The following OSMR variants were observed in gnomAD, a reference collection of about 807,000 sequenced individuals.
The protein encoded by OSMR is oncostatin M receptor.
Under a neutral mutation model 99.9 loss-of-function variants are expected in OSMR, and 81 were observed. The observed-to-expected ratio is 0.81, with a 90% CI of 0.68 to 0.97. OSMR has a LOEUF of 0.97. OSMR is among the 50% of genes least tolerant of loss of function. The probability of loss-of-function intolerance (pLI) is 0.00; values close to 1 mark genes in which losing one functional copy is unlikely to be tolerated. For missense variants in OSMR, 1,099 were observed against 1,153.4 expected (o/e 0.95, Z 0.68); for synonymous variants, 406 against 410.4 (o/e 0.99, Z 0.13).
Position 38,876,276 on chromosome 5 carries a change from T to C in OSMR, c.149T>C (p.Leu50Ser), listed in dbSNP as rs369638312. 1.2e-5 allele frequency: 19 copies of C among 1,613,638 alleles called. 2 individuals carry two copies. The highest frequency in any genetic ancestry group is 1.5e-5 in the Non-Finnish European group (18 of 1,179,628). ...AATTCTACGCGTCAGAGTTTGCACTTACAATGGACTGTCCACAACCTTCCT... is the reference window on the plus strand; with the variant it reads ...AATTCTACGCGTCAGAGTTTGCACTCACAATGGACTGTCCACAACCTTCCT... ...STNSTRQSLHLQWTVHNLPYH... is the reference protein window; with the variant it reads ...STNSTRQSLHSQWTVHNLPYH... The change falls in exon 3 of 18, where the codon TTA becomes TCA. Residue 50 changes from leucine (L) to serine (S), a missense_variant. By Grantham distance (145) the Leu-to-Ser change is moderately radical. Coordinates refer to ENST00000274276, the MANE Select transcript of OSMR (RefSeq NM_003999.3).
chr5:38,920,547 C>A (rs1746181306), intron 11 of OSMR, among the ~76,000 whole-genome samples: 1 of 152,156 alleles, frequency 6.6e-6, no homozygotes, highest in South Asian at 2.1e-4. Flanking sequence ...TGGATGGGAT[C>A]TATAAAGCCC....
intron 15 of OSMR, among the ~76,000 whole-genome samples, chr5:38,926,849 C>G (rs1374116014): frequency 6.6e-6 from 1 of 152,166 alleles, no homozygotes; most frequent in Non-Finnish European, 1.5e-5. Context: ...TAATCTGAGA[C>G]AAGGCAAATC....
Position 38,921,665 on chromosome 5 carries a change from T to C in OSMR, c.1636T>C (p.Ser546Pro). Residue 546 changes from serine to proline, a missense_variant, in exon 12 of 18, where the codon TCT becomes CCT. By Grantham distance (74) the Ser-to-Pro change is moderately conservative. Coordinates refer to ENST00000274276, the MANE Select transcript of OSMR (RefSeq NM_003999.3). ...AGGCACAGAGGGTGGATTCTCTCTGTCTTGGAAACCCCAACCTGGAGATGT... is the reference window on the plus strand; with the variant it reads ...AGGCACAGAGGGTGGATTCTCTCTGCCTTGGAAACCCCAACCTGGAGATGT... Reference protein sequence around the residue: ...IAGTEGGFSLSWKPQPGDVIG... With the variant: ...IAGTEGGFSLPWKPQPGDVIG... 3 of 1,614,182 alleles carry C rather than the reference T, an allele frequency of 1.9e-6. No homozygotes were observed. Among genetic ancestry groups the C allele is most frequent in the Non-Finnish European group, 2.5e-6 (3 of 1,180,028 alleles).
intron 7 of OSMR, among the ~76,000 whole-genome samples, chr5:38,900,257 A>C (rs1287457108): frequency 2.6e-5 from 4 of 152,144 alleles, no homozygotes; most frequent in Non-Finnish European, 4.4e-5. Context: ...CTAAGTGCAC[A>C]GAGGTTCTGT....
intron 1 of OSMR, among the ~76,000 whole-genome samples, chr5:38,863,708 TTTG>T (rs1330678747): frequency 5.3e-5 from 8 of 152,152 alleles, no homozygotes; most frequent in Non-Finnish European, 1.0e-4. Context: ...TCAGTGTTTC[TTTG>T]TTAATTTTCT....
chr5:38,846,869 C>A (rs1739876663), intron 1 of OSMR, among the ~76,000 whole-genome samples: 1 of 152,212 alleles, frequency 6.6e-6, no homozygotes, highest in African/African-American at 2.4e-5. Flanking sequence ...GAAATCCGAG[C>A]CCGGCTCTCG....
At chr5:38,904,632 A>T in intron 9 of OSMR, 129 bp downstream of exon 9, 6 of 1,109,664 alleles carry the variant, frequency 5.4e-6, no homozygotes, top group Non-Finnish European at 8.0e-6. Flanking sequence ...TAGCATTTAA[A>T]AAATTAGATT....
intron 7 of OSMR, among the ~76,000 whole-genome samples, chr5:38,889,456 T>G (rs1341661181): frequency 6.6e-6 from 1 of 152,198 alleles, no homozygotes; most frequent in African/African-American, 2.4e-5. Flanking sequence ...CTACTTCCAG[T>G]TTAACGTCTT....
At chr5:38,853,957 G>C (rs531518561) in intron 1 of OSMR, among the ~76,000 whole-genome samples, 1 of 151,956 alleles carries the variant, frequency 6.6e-6, no homozygotes, top group African/African-American at 2.4e-5. Context: ...GGGAATTGGA[G>C]TGAACACTTG....
At chr5:38,924,275 C>A (rs1746368231) in intron 13 of OSMR, 147 bp from the exon 14 acceptor site, 4 of 1,503,542 alleles carry the variant, frequency 2.7e-6, no homozygotes, top group Non-Finnish European at 3.5e-6. Context: ...AGGCACAAAT[C>A]CTCTAGAGAA....
At position 38,846,060 on chromosome 5, in the gene OSMR, A is replaced by C. The variant is rs1739775110; in HGVS notation, c.-341A>C. On this transcript the variant is annotated 5_prime_UTR_variant, in exon 1 of 18. Transcript: ENST00000274276. ...GGCCGCCTCTGCACGTCCGCCCCGG[A>C]GCCCGCACCCGCGCCCCACGCGCCG... 1 of 151,880 alleles carries C rather than the reference A, an allele frequency of 6.6e-6. No individual in the cohort carries two copies. The highest frequency in any genetic ancestry group is 1.5e-5 in the Non-Finnish European group (1 of 68,190). The allele number at this position is 151,880 out of a possible 1,614,324, so 9.4% of individuals were successfully genotyped here. A position where few individuals can be genotyped will look rare whatever the true frequency, so the allele number is the denominator to read the frequency against.
chr5:38,856,297 C>T (rs577826340), intron 1 of OSMR, among the ~76,000 whole-genome samples: 2 of 152,294 alleles, frequency 1.3e-5, no homozygotes, highest in Admixed American at 1.3e-4. Context: ...GAATGTTCTG[C>T]CAGGTGTTGA....
At chr5:38,898,952 T>A (rs1278878492) in intron 7 of OSMR, among the ~76,000 whole-genome samples, 3 of 81,884 alleles carry the variant, frequency 3.7e-5, no homozygotes. Flanking sequence ...CATAATATCT[T>A]TTTTTTTTTT....
intron 1 of OSMR, among the ~76,000 whole-genome samples, chr5:38,850,176 T>C (rs544959389): frequency 6.6e-6 from 1 of 152,356 alleles, no homozygotes; most frequent in Admixed American, 6.5e-5. Context: ...GTCTAAGGTC[T>C]GGCCTGAGAT....
intron 10 of OSMR, among the ~76,000 whole-genome samples, chr5:38,918,093 T>C (rs1185037110): frequency 6.6e-6 from 1 of 152,154 alleles, no homozygotes; most frequent in Non-Finnish European, 1.5e-5. Flanking sequence ...AGTTTCACAC[T>C]GAAACATGGT....
rs144525555 is a variant in OSMR at position 38,874,519 on chromosome 5, G to A, written c.74-1682G>A. On this transcript the variant is annotated intron_variant, in intron 2 of 17. Coordinates refer to ENST00000274276, the MANE Select transcript of OSMR (RefSeq NM_003999.3). ...TTGAATCTGAAGCTTTCTACTATGT[G>A]GACCAATCACAAGAAAAACATCATG... is the stretch of plus-strand genomic sequence containing the variant. Among the ~76,000 whole-genome samples the A allele has an allele frequency of 1.3e-4, 20 of 152,242 alleles. No homozygotes were observed. The East Asian group carries it at 3.1e-3, about 24-fold the overall frequency.
At chr5:38,892,928 G>C (rs1409564974) in intron 7 of OSMR, among the ~76,000 whole-genome samples, 1 of 152,112 alleles carries the variant, frequency 6.6e-6, no homozygotes, top group Non-Finnish European at 1.5e-5. Flanking sequence ...ACCCTTGCCA[G>C]GGCTAGTGCT....
In OSMR at chr5:38,933,595, C is replaced by G. The variant is rs1746885458; in HGVS notation, c.*151C>G. On this transcript the variant is annotated 3_prime_UTR_variant, in exon 18 of 18. Coordinates refer to ENST00000274276, the MANE Select transcript of OSMR (RefSeq NM_003999.3). ...CACTACAGTCTGGCTAGGTTAAAGG[C>G]CAGAGGCTATGGAACTTAACACTCC... 2 of 828,042 alleles carry G rather than the reference C, an allele frequency of 2.4e-6. No individual in the cohort carries two copies. The highest frequency in any genetic ancestry group is 3.1e-5 in the South Asian group (2 of 64,742). The allele number at this position is 828,042 out of a possible 1,614,324, so 51.3% of individuals were successfully genotyped here.
intron 7 of OSMR, among the ~76,000 whole-genome samples, chr5:38,899,254 C>T (rs530406532): frequency 5.9e-5 from 9 of 152,126 alleles, no homozygotes; most frequent in Non-Finnish European, 1.0e-4. Context: ...CCACTGTGTC[C>T]GGCCTAAGGC....
Sources: allele counts gnomAD v4.1 joint callset (sites outside exome capture counted in the v4.1 genomes callset), GRCh38; gene constraint gnomAD v4.1.1; transcripts MANE v1.5; gene names NCBI Gene and HGNC (gene_info 2026-07-23, HGNC 2026-07-21).